GALNT13: variants seen among roughly 807,000 people sequenced by gnomAD.
GALNT13 encodes the protein UDP-GalNAc:polypeptide N-acetylgalactosaminyltransferase 13.
GALNT13 carries 28 observed loss-of-function variants against 64.2 expected under a neutral mutation model. That is an observed-to-expected ratio of 0.44 (90% confidence interval 0.32 to 0.60). The LOEUF (loss-of-function observed/expected upper bound fraction) is 0.60. GALNT13 is among the 20% of genes least tolerant of loss of function. The probability of loss-of-function intolerance (pLI) is 0.05; values close to 1 mark genes in which losing one functional copy is unlikely to be tolerated. For synonymous variants in GALNT13, 214 were observed against 224.6 expected (o/e 0.95, Z 0.42); for missense variants, 577 against 669.8 (o/e 0.86, Z 1.53).
the GALNT13 span, among the ~76,000 whole-genome samples, chr2:153,578,501 G>T: frequency 1.7e-4 from 26 of 152,206 alleles, no homozygotes; most frequent in African/African-American, 6.0e-4. Context: ...TTCACAAAAA[G>T]AAACTAATGT....
the GALNT13 span, among the ~76,000 whole-genome samples, chr2:153,574,069 T>G: frequency 1.3e-5 from 2 of 151,946 alleles, no homozygotes; most frequent in South Asian, 4.1e-4. Flanking sequence ...TCTGGGAAAG[T>G]TTTCATTTCT....
chr2:153,659,942 A>G, the GALNT13 span, among the ~76,000 whole-genome samples: 1 of 152,250 alleles, frequency 6.6e-6, no homozygotes, highest in Admixed American at 6.5e-5. Context: ...GATGAAATAT[A>G]TTGTTATTCA....
chr2:153,549,381 A>C, the GALNT13 span, among the ~76,000 whole-genome samples: 1 of 152,230 alleles, frequency 6.6e-6, no homozygotes, highest in Non-Finnish European at 1.5e-5. Context: ...GGATAGGTCA[A>C]CGGTAGACTG....
rs576789662 is a variant in GALNT13, at chr2:154,066,104, G to A, written c.143-74233G>A. Among the ~76,000 whole-genome samples, 11 of 152,250 alleles carry A rather than the reference G, an allele frequency of 7.2e-5. No homozygotes were observed. In the South Asian group the frequency reaches 1.5e-3, roughly 20 times the overall value. ...TTGACATGCTGAAGAATTCATCAGC[G>A]TCTCTTAATAGAATTGATCAAACAG... On this transcript the variant is annotated intron_variant, in intron 3 of 12. Transcript: ENST00000392825.
the GALNT13 span, among the ~76,000 whole-genome samples, chr2:153,810,487 G>GT: frequency 2.6e-5 from 4 of 151,960 alleles, no homozygotes; most frequent in Non-Finnish European, 5.9e-5. Flanking sequence ...GAATGAATGT[G>GT]TTTTTTTACA....
Position 153,997,114 on chromosome 2 carries a change from C to T in GALNT13, c.142+52475C>T, listed in dbSNP as rs1416546658. Among the ~76,000 whole-genome samples, 4 of 152,074 alleles carry T rather than the reference C, an allele frequency of 2.6e-5. No individual in the cohort carries two copies. The East Asian group carries it at 7.7e-4, about 29-fold the overall frequency. ...TTGAAATCAGGTAATTGGATACCTC[C>T]ATCCTTGTTTTTTTGCTCAAGATTC... On this transcript the variant is annotated intron_variant, in intron 3 of 12. Transcript: ENST00000392825.
At chr2:153,181,030 C>CTTTTTTTTTTTTTTTTTTTTTTTTT in the GALNT13 span, among the ~76,000 whole-genome samples, 13 of 32,074 alleles carry the variant, frequency 4.1e-4, 1 homozygote, top group African/African-American at 5.8e-4. Flanking sequence ...TTTATTGTTT[C>CTTTTTTTTTTTTTTTTTTTTTTTTT]TTTTTTTTTT....
chr2:153,168,784 A>T, the GALNT13 span, among the ~76,000 whole-genome samples: 7 of 152,236 alleles, frequency 4.6e-5, no homozygotes, highest in African/African-American at 1.4e-4. Context: ...TAATTGCCAC[A>T]TGTGCTTTAC....
chr2:153,725,425 G>A, the GALNT13 span, among the ~76,000 whole-genome samples: 1 of 150,554 alleles, frequency 6.6e-6, no homozygotes, highest in Admixed American at 6.6e-5. Flanking sequence ...CCTGCACAAT[G>A]TGCACATGTA....
the GALNT13 span, among the ~76,000 whole-genome samples, chr2:153,745,694 T>A: frequency 2.6e-5 from 4 of 152,198 alleles, no homozygotes; most frequent in Non-Finnish European, 4.4e-5. Flanking sequence ...AATATCATAA[T>A]TCGTTTGTTT....
At chr2:153,393,788 G>T in the GALNT13 span, among the ~76,000 whole-genome samples, 1 of 152,012 alleles carries the variant, frequency 6.6e-6, no homozygotes, top group Non-Finnish European at 1.5e-5. Flanking sequence ...GAGGAAGAGG[G>T]GATTTTGTCA....
chr2:153,524,853 C>A, the GALNT13 span, among the ~76,000 whole-genome samples: 1 of 152,134 alleles, frequency 6.6e-6, no homozygotes. Flanking sequence ...AGTTCTTGTG[C>A]TGAACTGGGT....
the GALNT13 span, among the ~76,000 whole-genome samples, chr2:153,837,011 G>T: frequency 6.6e-6 from 1 of 151,402 alleles, no homozygotes; most frequent in Non-Finnish European, 1.5e-5. Context: ...ATAGTCCTTT[G>T]GGTATATACC....
chr2:154,298,573 A>ATTGTATATATAAATTATATATAC lies in GALNT13; in HGVS notation c.976-2836_976-2835insTTGTATATATAAATTATATATAC, dbSNP rs1693117050. Among the ~76,000 whole-genome samples the ATTGTATATATAAATTATATATAC allele has an allele frequency of 1.9e-3, 21 of 10,988 alleles. 3 individuals are homozygous for ATTGTATATATAAATTATATATAC. The highest frequency in any genetic ancestry group is 4.2e-3 in the African/African-American group (20 of 4,738). 7.2% of individuals were successfully genotyped at this position (10,988 alleles called of 152,430 possible). A position where few individuals can be genotyped will look rare whatever the true frequency, so the allele number is the denominator to read the frequency against. Reference sequence around the variant, plus strand: ...AAATTGTATATATAATTTATATATAAATTGTATATATAATTTATATATACA... The same window carrying ATTGTATATATAAATTATATATAC: ...AAATTGTATATATAATTTATATATAATTGTATATATAAATTATATATACATTGTATATATAATTTATATATACA... On this transcript the variant is annotated intron_variant, in intron 8 of 12. Transcript: ENST00000392825.
the GALNT13 span, among the ~76,000 whole-genome samples, chr2:153,079,330 G>A: frequency 6.6e-6 from 1 of 152,190 alleles, no homozygotes; most frequent in East Asian, 1.9e-4. Flanking sequence ...AGTGCAGATT[G>A]CAATCCAGGG....
the GALNT13 span, among the ~76,000 whole-genome samples, chr2:153,810,334 GTGT>G: frequency 2.0e-5 from 3 of 152,104 alleles, no homozygotes; most frequent in Non-Finnish European, 2.9e-5. Context: ...TTTTTTCCAA[GTGT>G]TGTGCGTGAT....
the GALNT13 span, among the ~76,000 whole-genome samples, chr2:153,467,350 C>T: frequency 2.0e-5 from 3 of 151,932 alleles, no homozygotes; most frequent in Non-Finnish European, 4.4e-5. Context: ...TTCTGCGTAT[C>T]CCCTATGTGA....
chr2:153,311,909 A>G, the GALNT13 span, among the ~76,000 whole-genome samples: 3 of 152,238 alleles, frequency 2.0e-5, no homozygotes, highest in Non-Finnish European at 4.4e-5. Context: ...TTTTATGAAG[A>G]TCCATAACTC....
chr2:153,256,416 T>C, the GALNT13 span, among the ~76,000 whole-genome samples: 125,611 of 152,010 alleles, frequency 0.83, 53,100 homozygotes, highest in African/African-American at 0.91. Flanking sequence ...GTTTGAATGT[T>C]CTCCCGTAGC....
Sources: allele counts gnomAD v4.1 joint callset (sites outside exome capture counted in the v4.1 genomes callset), GRCh38; gene constraint gnomAD v4.1.1; transcripts MANE v1.5; gene names NCBI Gene and HGNC (gene_info 2026-07-23, HGNC 2026-07-21).